NEK11: variants seen among roughly 807,000 people sequenced by gnomAD.
The protein encoded by NEK11 is serine/threonine-protein kinase Nek11.
A neutral mutation model predicts 80.7 loss-of-function variants in NEK11; 72 were observed. That is an observed-to-expected ratio of 0.89 (90% CI 0.74 to 1.08). The LOEUF is 1.08. Ranked by LOEUF, NEK11 falls within the 50% of genes least tolerant of loss-of-function variation. The probability of loss-of-function intolerance (pLI) is 0.00; values close to 1 mark genes in which losing one functional copy is unlikely to be tolerated. For synonymous variants in NEK11, 251 were observed against 260.7 expected (o/e 0.96, Z 0.36); for missense variants, 764 against 763.6 (o/e 1.00, Z -0.01).
At chr3:131,115,966 C>CTTTCTTTCTTTCTTTCTTTCTT (rs1560477493) in intron 5 of NEK11, among the ~76,000 whole-genome samples, 28 of 141,056 alleles carry the variant, frequency 2.0e-4, no homozygotes, top group Non-Finnish European at 3.2e-4. Flanking sequence ...TTCTTTCTTT[C>CTTTCTTTCTTTCTTTCTTTCTT]TTTCTTTCTT....
intron 7 of NEK11, among the ~76,000 whole-genome samples, chr3:131,148,339 C>T (rs999573795): frequency 3.3e-5 from 5 of 151,894 alleles, no homozygotes; most frequent in African/African-American, 1.2e-4. Flanking sequence ...TTTCCTTTCC[C>T]ATAATATCCT....
At chr3:131,105,107 A>G (rs2078992769) in intron 4 of NEK11, among the ~76,000 whole-genome samples, 1 of 152,224 alleles carries the variant, frequency 6.6e-6, no homozygotes, top group Admixed American at 6.5e-5. Context: ...GCATGCACTA[A>G]CTGCTTCTAG....
chr3:131,202,286 C>A (rs1469830413), intron 14 of NEK11, among the ~76,000 whole-genome samples: 1 of 152,126 alleles, frequency 6.6e-6, no homozygotes, highest in Non-Finnish European at 1.5e-5. Context: ...TGAAGCAGGG[C>A]AGGGCATCAC....
chr3:131,347,313 T>C (rs2097377623), intron 17 of NEK11, among the ~76,000 whole-genome samples: 1 of 152,246 alleles, frequency 6.6e-6, no homozygotes, highest in Admixed American at 6.5e-5. Context: ...ATGAATTGCC[T>C]AGTTCATAAG....
chr3:131,274,760 T>G (rs906953864), intron 17 of NEK11, among the ~76,000 whole-genome samples: 1 of 145,276 alleles, frequency 6.9e-6, no homozygotes, highest in Non-Finnish European at 1.5e-5. Flanking sequence ...TTCACGCCAT[T>G]CTCCTGCCTC....
chr3:131,345,219 T>A (rs758414735), intron 17 of NEK11, among the ~76,000 whole-genome samples: 2 of 152,176 alleles, frequency 1.3e-5, no homozygotes, highest in Non-Finnish European at 2.9e-5. Flanking sequence ...AAAAAGATTC[T>A]ACACAGCAAA....
intron 14 of NEK11, among the ~76,000 whole-genome samples, chr3:131,200,283 A>C (rs1334436483): frequency 6.6e-6 from 1 of 152,220 alleles, no homozygotes; most frequent in Non-Finnish European, 1.5e-5. Flanking sequence ...CCACACTGAG[A>C]TACCACTACG....
At chr3:131,195,952 T>C in intron 14 of NEK11, among the ~76,000 whole-genome samples, 1 of 151,340 alleles carries the variant, frequency 6.6e-6, no homozygotes, top group East Asian at 1.9e-4. Flanking sequence ...CGATAAATAC[T>C]TGCTTAATGA....
intron 16 of NEK11, among the ~76,000 whole-genome samples, chr3:131,265,470 A>G (rs778181387): frequency 9.2e-5 from 14 of 152,156 alleles, no homozygotes; most frequent in Non-Finnish European, 1.9e-4. Flanking sequence ...CTATTGAGAT[A>G]ATCATGTGGT....
chr3:131,099,125 G>A (rs915232617), intron 4 of NEK11, among the ~76,000 whole-genome samples: 3 of 152,146 alleles, frequency 2.0e-5, no homozygotes, highest in South Asian at 2.1e-4. Flanking sequence ...TAAAATCTTT[G>A]ATCAATCTTG....
At chr3:131,071,018 A>T (rs560873098) in intron 3 of NEK11, among the ~76,000 whole-genome samples, 1 of 152,356 alleles carries the variant, frequency 6.6e-6, no homozygotes, top group East Asian at 1.9e-4. Context: ...GGGGGAACAC[A>T]TTAAGAAAAT....
intron 16 of NEK11, among the ~76,000 whole-genome samples, chr3:131,246,935 G>A (rs957405504): frequency 2.4e-4 from 37 of 151,848 alleles, no homozygotes; most frequent in African/African-American, 8.5e-4. Flanking sequence ...GTCTACTTAT[G>A]TCCTTAGCCC....
At chr3:131,349,365 A>G (rs899167370) in intron 17 of NEK11, among the ~76,000 whole-genome samples, 192 bp from the exon 18 acceptor site, 12 of 152,206 alleles carry the variant, frequency 7.9e-5, no homozygotes, top group African/African-American at 2.9e-4. Flanking sequence ...TACCTGGCAC[A>G]TAATAGACAT....
chr3:131,074,839 A>G (rs776958123), intron 3 of NEK11, among the ~76,000 whole-genome samples: 6 of 152,158 alleles, frequency 3.9e-5, no homozygotes, highest in Non-Finnish European at 7.4e-5. Context: ...CTATTTTAGC[A>G]TTTATCATGA....
intron 7 of NEK11, among the ~76,000 whole-genome samples, chr3:131,137,190 T>G (rs537128465): frequency 6.6e-6 from 1 of 152,180 alleles, no homozygotes; most frequent in Non-Finnish European, 1.5e-5. Flanking sequence ...ATGCCCAACA[T>G]TGGACTCAGG....
At chr3:131,300,463 G>A (rs1051318353) in intron 17 of NEK11, among the ~76,000 whole-genome samples, 2 of 152,142 alleles carry the variant, frequency 1.3e-5, no homozygotes, top group Non-Finnish European at 2.9e-5. Context: ...CAAGGCCTAT[G>A]TGTAGAATGA....
chr3:131,050,588 C>A (rs529777225), intron 3 of NEK11, among the ~76,000 whole-genome samples: 1 of 152,246 alleles, frequency 6.6e-6, no homozygotes, highest in Non-Finnish European at 1.5e-5. Context: ...ATGCAGGAAC[C>A]TTTAGTACAT....
intron 3 of NEK11, among the ~76,000 whole-genome samples, chr3:131,059,688 T>A (rs1030293774): frequency 6.6e-6 from 1 of 152,338 alleles, no homozygotes; most frequent in Admixed American, 6.5e-5. Flanking sequence ...TGACAGATGA[T>A]GTTTTAGTTC....
chr3:131,340,838 A>T (rs2097272831), intron 17 of NEK11, among the ~76,000 whole-genome samples: 1 of 152,176 alleles, frequency 6.6e-6, no homozygotes, highest in South Asian at 2.1e-4. Context: ...TTGGACTAAA[A>T]TGATGTTTGA....
Sources: allele counts gnomAD v4.1 joint callset (sites outside exome capture counted in the v4.1 genomes callset), GRCh38; gene constraint gnomAD v4.1.1; transcripts MANE v1.5; gene names NCBI Gene and HGNC (gene_info 2026-07-23, HGNC 2026-07-21).